Variants in SH3GL3 observed in about 807,000 individuals in gnomAD.
SH3GL3 encodes SH3 domain containing GRB2 like 3, endophilin A3.
In SH3GL3, 33 loss-of-function variants were observed where a neutral mutation model predicts 47.7. The observed-to-expected ratio is 0.69, with a 90% CI of 0.52 to 0.92. The LOEUF is 0.92. Ranked by LOEUF, SH3GL3 falls within the 40% of genes least tolerant of loss-of-function variation. SH3GL3 has a pLI of 0.00. For missense variants in SH3GL3, 363 were observed against 417.8 expected, an observed-to-expected ratio of 0.87 and a Z score of 1.14; for synonymous variants, 155 against 148.8, an observed-to-expected ratio of 1.04 and a Z score of -0.30.
rs1336219050 is a variant in SH3GL3, at chr15:83,480,537, CTG to C, written c.45+32963_45+32964del. On this transcript the variant is annotated intron_variant, in intron 1 of 8. Transcript: ENST00000427482. Reference sequence around the variant, plus strand: ...GCAAGGCTCGGGCCTCCCCTCTGCTCTGTGTCTCTCACGGTGGCTGAGGTAGA... The same window carrying C: ...GCAAGGCTCGGGCCTCCCCTCTGCTCTGTCTCTCACGGTGGCTGAGGTAGA... 5.9e-5 allele frequency among the ~76,000 whole-genome samples: 9 copies of C among 152,318 alleles called. No individual in the cohort carries two copies. The South Asian group carries it at 1.7e-3, about 28-fold the overall frequency.
the SH3GL3 span, among the ~76,000 whole-genome samples, chr15:83,628,636 A>G: frequency 6.6e-6 from 1 of 152,150 alleles, no homozygotes; most frequent in African/African-American, 2.4e-5. Context: ...CCAGCTACTC[A>G]GGAAGCTGAG....
intron 1 of SH3GL3, among the ~76,000 whole-genome samples, chr15:83,480,387 T>G (rs2041294814): frequency 6.6e-6 from 1 of 152,196 alleles, no homozygotes; most frequent in Admixed American, 6.5e-5. Flanking sequence ...GTTCTCACAG[T>G]TTATGAAGAA....
intron 1 of SH3GL3, chr15:83,491,026 C>T: frequency 6.7e-7 from 1 of 1,499,770 alleles, no homozygotes. Flanking sequence ...AAGTGGGAAG[C>T]CTTGTATTAG....
intron 8 of SH3GL3, among the ~76,000 whole-genome samples, chr15:83,597,559 T>G (rs1449273918): frequency 6.6e-6 from 1 of 151,508 alleles, no homozygotes; most frequent in Non-Finnish European, 1.5e-5. Flanking sequence ...AGAATATTAA[T>G]TATACTTTTT....
intron 1 of SH3GL3, among the ~76,000 whole-genome samples, chr15:83,492,771 C>T (rs1449816144): frequency 2.6e-5 from 4 of 152,214 alleles, no homozygotes; most frequent in Non-Finnish European, 5.9e-5. Flanking sequence ...CACTGTTTTC[C>T]AGAGTTGTCC....
intron 1 of SH3GL3, among the ~76,000 whole-genome samples, chr15:83,526,115 A>G (rs2043409940): frequency 1.3e-5 from 2 of 152,176 alleles, no homozygotes; most frequent in South Asian, 4.1e-4. Context: ...TTTAGGTAGT[A>G]TGTTCATTTT....
chr15:83,592,658 G>A (rs1424648840), intron 8 of SH3GL3, among the ~76,000 whole-genome samples: 1 of 152,158 alleles, frequency 6.6e-6, no homozygotes, highest in African/African-American at 2.4e-5. Context: ...TAAGTCCCCA[G>A]AGAATGTATT....
At chr15:83,598,096 G>A (rs1041287072) in intron 8 of SH3GL3, among the ~76,000 whole-genome samples, 1 of 152,196 alleles carries the variant, frequency 6.6e-6, no homozygotes, top group African/African-American at 2.4e-5. Context: ...ATGTTCTGTT[G>A]AGTGCAGTGG....
At chr15:83,533,018 G>C (rs1389919311) in intron 1 of SH3GL3, among the ~76,000 whole-genome samples, 2 of 152,212 alleles carry the variant, frequency 1.3e-5, no homozygotes, top group Non-Finnish European at 2.9e-5. Context: ...GCCTGGGCTG[G>C]GCCCATTGAC....
chr15:83,608,793 G>A (rs948168220), intron 8 of SH3GL3, among the ~76,000 whole-genome samples: 11 of 150,984 alleles, frequency 7.3e-5, no homozygotes, highest in South Asian at 2.1e-4. Context: ...TAGTCTGATG[G>A]TGCAGGTACA....
intron 8 of SH3GL3, among the ~76,000 whole-genome samples, chr15:83,590,070 T>G (rs1357896279): frequency 6.6e-6 from 1 of 152,228 alleles, no homozygotes; most frequent in Non-Finnish European, 1.5e-5. Flanking sequence ...TATTTCCTTA[T>G]GTCTGAATTG....
At chr15:83,457,821 T>A (rs559378934) in intron 1 of SH3GL3, among the ~76,000 whole-genome samples, 8 of 152,354 alleles carry the variant, frequency 5.3e-5, no homozygotes, top group African/African-American at 1.9e-4. Context: ...TTTGATTTTT[T>A]AAAATATCTT....
intron 1 of SH3GL3, among the ~76,000 whole-genome samples, chr15:83,516,523 T>C (rs1041581750): frequency 1.6e-4 from 24 of 152,180 alleles, no homozygotes; most frequent in African/African-American, 5.5e-4. Flanking sequence ...AGCATGGTGC[T>C]GGCATTTGCT....
intron 8 of SH3GL3, among the ~76,000 whole-genome samples, chr15:83,596,917 T>G (rs2060250120): frequency 6.6e-6 from 1 of 152,146 alleles, no homozygotes; most frequent in Non-Finnish European, 1.5e-5. Flanking sequence ...GTACCTCTGT[T>G]TTTTTATTCT....
At position 83,534,397 on chromosome 15, in the gene SH3GL3, TCTCTCTCC is replaced by T. The variant is rs574413235; in HGVS notation, c.46-24836_46-24829del. ...GCAGCAGTGTCTCTCTGTCTTCCCC[TCTCTCTCC>T]CTCTCTCCCTCTCTCCCTCCCTCTT... On this transcript the variant is annotated intron_variant, in intron 1 of 8. Transcript: ENST00000427482. Among the ~76,000 whole-genome samples, 59 of 152,180 alleles carry T rather than the reference TCTCTCTCC, an allele frequency of 3.9e-4. No individual in the cohort carries two copies. In the East Asian group the frequency reaches 6.4e-3, roughly 16 times the overall value.
intron 3 of SH3GL3, among the ~76,000 whole-genome samples, chr15:83,568,068 C>T (rs1370259905): frequency 1.3e-5 from 2 of 151,568 alleles, no homozygotes; most frequent in African/African-American, 4.9e-5. Flanking sequence ...CTGCAACCTC[C>T]GCCTCCCGGG....
At chr15:83,460,915 T>A (rs1184404602) in intron 1 of SH3GL3, among the ~76,000 whole-genome samples, 1 of 152,054 alleles carries the variant, frequency 6.6e-6, no homozygotes, top group African/African-American at 2.4e-5. Context: ...AAACCCCGTC[T>A]CTACTAAAAT....
At chr15:83,542,977 CT>C (rs141229923) in intron 1 of SH3GL3, among the ~76,000 whole-genome samples, 1 of 151,514 alleles carries the variant, frequency 6.6e-6, no homozygotes, top group East Asian at 1.9e-4. Flanking sequence ...TGATTAGCTA[CT>C]TTTTTTTCTT....
intron 1 of SH3GL3, among the ~76,000 whole-genome samples, chr15:83,556,846 C>T (rs577864143): frequency 6.6e-6 from 1 of 152,316 alleles, no homozygotes; most frequent in South Asian, 2.1e-4. Flanking sequence ...TCACCTGTTG[C>T]CGGTCAGCTG....
Sources: allele counts gnomAD v4.1 joint callset (sites outside exome capture counted in the v4.1 genomes callset), GRCh38; gene constraint gnomAD v4.1.1; transcripts MANE v1.5; gene names NCBI Gene and HGNC (gene_info 2026-07-23, HGNC 2026-07-21).